Variants in MAVS observed in about 807,000 individuals in gnomAD.
MAVS encodes mitochondrial antiviral signaling protein, also known as mitochondrial antiviral-signaling protein.
A neutral mutation model predicts 30.2 loss-of-function variants in MAVS; 20 were observed. The observed-to-expected ratio is 0.66, with a 90% CI of 0.47 to 0.96. MAVS has a LOEUF of 0.96. Ranked by LOEUF, MAVS falls within the 40% of genes least tolerant of loss-of-function variation. The pLI is 0.00. For missense variants in MAVS, 624 were observed against 701.1 expected (o/e 0.89, Z 1.24); for synonymous variants, 278 against 293.9 (o/e 0.95, Z 0.55).
At chr20:3,857,432 G>A (rs1022048475) in intron 2 of MAVS, among the ~76,000 whole-genome samples, 1 of 152,194 alleles carries the variant, frequency 6.6e-6, no homozygotes, top group Non-Finnish European at 1.5e-5. Flanking sequence ...GCCAGTTTCC[G>A]GCAGCTGCCT....
At chr20:3,861,232 A>G (rs1407950866) in intron 3 of MAVS, 100 bp from the exon 4 acceptor site, 4 of 1,152,300 alleles carry the variant, frequency 3.5e-6, no homozygotes, top group Non-Finnish European at 5.0e-6. Context: ...TGACCTCGTG[A>G]TCTGCCTGCC....
chr20:3,859,921 A>AGTGG (rs2146769424), intron 3 of MAVS, among the ~76,000 whole-genome samples: 1 of 146,924 alleles, frequency 6.8e-6, no homozygotes, highest in South Asian at 2.2e-4. Flanking sequence ...GGTTCACGCC[A>AGTGG]TTCTCCTGCC....
intron 2 of MAVS, among the ~76,000 whole-genome samples, chr20:3,855,525 C>T (rs987054617): frequency 1.3e-5 from 2 of 152,218 alleles, no homozygotes; most frequent in East Asian, 1.9e-4. Flanking sequence ...GCTGGTGAAA[C>T]GGGCACAACC....
chr20:3,865,896 A>G lies in MAVS; in HGVS notation c.1372A>G (p.Asn458Asp), dbSNP rs1568538372. ...GGGGCCCTGCCATGGCCCAGAGGAG[A>G]ATGAGTATAAGTCCGAGGGCACCTT... ...GMGPCHGPEENEYKSEGTFGI... is the reference protein window; with the variant it reads ...GMGPCHGPEEDEYKSEGTFGI... The change falls in exon 7 of 7, where the codon AAT (asparagine) becomes GAT (aspartate). Residue 458 changes from asparagine to aspartate, a missense_variant. Coordinates refer to ENST00000428216, the MANE Select transcript of MAVS (RefSeq NM_020746.5). This position sits in a 1 kb window ranked among gnomAD's most constrained non-coding sequence, Gnocchi z 4.7. 1 of 1,613,916 alleles carries G rather than the reference A, an allele frequency of 6.2e-7. No homozygotes were observed. The highest frequency in any genetic ancestry group is 2.2e-5 in the East Asian group (1 of 44,866).
In MAVS at chr20:3,852,001, TTTTTTTCCCC is replaced by T. The variant is rs78489431; in HGVS notation, c.-67-2556_-67-2547del. Among the ~76,000 whole-genome samples the T allele has an allele frequency of 9.7e-4, 87 of 89,622 alleles. 3 individuals carry two copies. Among genetic ancestry groups the T allele is most frequent in the African/African-American group, 3.5e-3 (40 of 11,514 alleles). The allele number at this position is 89,622 out of a possible 152,430, so 58.8% of individuals were successfully genotyped here. A position where few individuals can be genotyped will look rare whatever the true frequency, so the allele number is the denominator to read the frequency against. ...GTATGTGTAGCAGGCTTTTTTTTTTTTTTTTTCCCCCGAGACGGAATCTGGCTCTGTCGCC... is the reference window on the plus strand; with the variant it reads ...GTATGTGTAGCAGGCTTTTTTTTTTTCGAGACGGAATCTGGCTCTGTCGCC... On this transcript the variant is annotated intron_variant, in intron 1 of 6. Coordinates refer to ENST00000428216, the MANE Select transcript of MAVS (RefSeq NM_020746.5).
chr20:3,861,240 G>C lies in MAVS; in HGVS notation c.293-92G>C, dbSNP rs377352529. Reference sequence around the variant, plus strand: ...CTCGATCTGACCTCGTGATCTGCCTGCCTTGGCCTCCCAAAGTGCTGAGAT... The same window carrying C: ...CTCGATCTGACCTCGTGATCTGCCTCCCTTGGCCTCCCAAAGTGCTGAGAT... On this transcript the variant is annotated intron_variant, in intron 3 of 6. Transcript: ENST00000428216. The C allele has an allele frequency of 2.4e-4, 302 of 1,264,130 alleles. 4 individuals carry two copies. In the East Asian group the frequency reaches 3.9e-3, roughly 16 times the overall value. The allele number at this position is 1,264,130 out of a possible 1,614,324, so 78.3% of individuals were successfully genotyped here. A position where few individuals can be genotyped will look rare whatever the true frequency, so the allele number is the denominator to read the frequency against.
rs1225961091 is a variant in MAVS at position 3,870,967 on chromosome 20, G to A, written c.*4820G>A. 2 of 152,150 alleles carry A rather than the reference G, an allele frequency of 1.3e-5. No individual in the cohort carries two copies. Among genetic ancestry groups the A allele is most frequent in the Non-Finnish European group, 2.9e-5 (2 of 68,104 alleles). The allele number at this position is 152,150 out of a possible 1,614,324, so 9.4% of individuals were successfully genotyped here. ...GCAACTTCGGCTCACTGCAACCTCC[G>A]CCTCCCAGGTTCAAGTGATTCTCCT... On this transcript the variant is annotated 3_prime_UTR_variant, in exon 7 of 7. Coordinates refer to ENST00000428216, the MANE Select transcript of MAVS (RefSeq NM_020746.5).
rs1940477539 is a variant in MAVS at position 3,873,470 on chromosome 20, A to C, written c.*7323A>C. The C allele has an allele frequency of 6.6e-6, 1 of 152,020 alleles. No homozygotes were observed. Among genetic ancestry groups the C allele is most frequent in the South Asian group, 2.1e-4 (1 of 4,822 alleles). 9.4% of individuals were successfully genotyped at this position (152,020 alleles called of 1,614,324 possible). On this transcript the variant is annotated 3_prime_UTR_variant, in exon 7 of 7. Transcript: ENST00000428216. ...AATAGCTTGAACCCAGTAGGTGGAGATTTCAGTGAGCCGAGATCGTGCCAC... is the reference window on the plus strand; with the variant it reads ...AATAGCTTGAACCCAGTAGGTGGAGCTTTCAGTGAGCCGAGATCGTGCCAC...
At chr20:3,849,302 T>C in intron 1 of MAVS, among the ~76,000 whole-genome samples, 1 of 151,714 alleles carries the variant, frequency 6.6e-6, no homozygotes, top group Non-Finnish European at 1.5e-5. Context: ...CTCTGCCTCC[T>C]GGGTTCAAGC....
intron 2 of MAVS, 140 bp downstream of exon 2, chr20:3,854,881 TGCTG>T (rs2089796067): frequency 2.0e-6 from 1 of 495,240 alleles, no homozygotes; most frequent in African/African-American, 2.1e-5. Flanking sequence ...TCCTTGTCCT[TGCTG>T]CTTTTCTTTT....
At chr20:3,853,875 G>A (rs1356294933) in intron 1 of MAVS, among the ~76,000 whole-genome samples, 1 of 151,820 alleles carries the variant, frequency 6.6e-6, no homozygotes, top group South Asian at 2.1e-4. Flanking sequence ...CGCAACCTCT[G>A]CCCCCAGGTT....
At position 3,865,549 on chromosome 20, in the gene MAVS, C is replaced by A; in HGVS notation, c.1159-134C>A. 1 of 825,964 alleles carries A rather than the reference C, an allele frequency of 1.2e-6. No homozygotes were observed. The highest frequency in any genetic ancestry group is 1.8e-5 in the South Asian group (1 of 54,984). 51.2% of individuals were successfully genotyped at this position (825,964 alleles called of 1,614,324 possible). The stretch of plus-strand genomic sequence containing the variant: ...CCCCCACTGCTCCAAGAAAAGGTGG[C>A]CTAGGGGCATTATAGATTGGGAATT... On this transcript the variant is annotated intron_variant, in intron 6 of 6. Transcript: ENST00000428216. The surrounding 1 kb of genome is among the most constrained non-coding windows in gnomAD (Gnocchi z 4.7).
At position 3,868,947 on chromosome 20, in the gene MAVS, C is replaced by T. The variant is rs1369953386; in HGVS notation, c.*2800C>T. ...ATGATGGGAGATACCCTGGGTAAGG[C>T]ATGTAGAAAGGGTTGAGGGACCTTC... On this transcript the variant is annotated 3_prime_UTR_variant, in exon 7 of 7. Coordinates refer to ENST00000428216, the MANE Select transcript of MAVS (RefSeq NM_020746.5). The T allele has an allele frequency of 6.6e-6, 1 of 152,282 alleles. No homozygotes were observed. Among genetic ancestry groups the T allele is most frequent in the African/African-American group, 2.4e-5 (1 of 41,452 alleles). 9.4% of individuals were successfully genotyped at this position (152,282 alleles called of 1,614,324 possible).
At chr20:3,856,129 A>G (rs1428126659) in intron 2 of MAVS, among the ~76,000 whole-genome samples, 1 of 148,498 alleles carries the variant, frequency 6.7e-6, no homozygotes, top group Non-Finnish European at 1.5e-5. Context: ...ATCTCGGCTC[A>G]CTGCAAGCTC....
At chr20:3,847,120 A>T (rs998080479) in intron 1 of MAVS, among the ~76,000 whole-genome samples, 4 of 152,146 alleles carry the variant, frequency 2.6e-5, no homozygotes, top group East Asian at 1.9e-4. Flanking sequence ...CGCATCCAGC[A>T]TCCGGGGAAA....
At chr20:3,864,203 T>C (rs200020266) in intron 5 of MAVS, 53 bp from the exon 6 acceptor site, 65 of 1,547,472 alleles carry the variant, frequency 4.2e-5, no homozygotes, top group Non-Finnish European at 7.9e-6. Flanking sequence ...TCTCCAGGCC[T>C]CAAGGTAATG....
At chr20:3,857,297 T>C (rs2089819928) in intron 2 of MAVS, among the ~76,000 whole-genome samples, 1 of 152,210 alleles carries the variant, frequency 6.6e-6, no homozygotes, top group South Asian at 2.1e-4. Flanking sequence ...TTTTAGGATC[T>C]TTGCTACAGT....
intron 3 of MAVS, among the ~76,000 whole-genome samples, chr20:3,858,366 T>A (rs2089831303): frequency 6.6e-6 from 1 of 152,128 alleles, no homozygotes; most frequent in Non-Finnish European, 1.5e-5. Context: ...GAGATTGAGT[T>A]TGATCCTGAG....
chr20:3,860,268 C>T (rs2089855412), intron 3 of MAVS, among the ~76,000 whole-genome samples: 1 of 152,030 alleles, frequency 6.6e-6, no homozygotes. Flanking sequence ...TGCTCAGTCG[C>T]CCAGGCTGGA....
Sources: allele counts gnomAD v4.1 joint callset (sites outside exome capture counted in the v4.1 genomes callset), GRCh38; gene constraint gnomAD v4.1.1; non-coding constraint Gnocchi (gnomAD v3.1); transcripts MANE v1.5; gene names NCBI Gene and HGNC (gene_info 2026-07-23, HGNC 2026-07-21).